Variants in LRFN5 observed in about 807,000 individuals in gnomAD.
LRFN5 encodes the protein leucine-rich repeat and fibronectin type-III domain-containing protein 5.
LRFN5 carries 24 observed loss-of-function variants against 45.6 expected under a neutral mutation model. The ratio of observed to expected loss-of-function variants is 0.53; its 90% CI spans 0.38 to 0.74. The LOEUF (loss-of-function observed/expected upper bound fraction) is 0.74, where lower values mean the gene tolerates loss of function less well. Ranked by LOEUF, LRFN5 falls within the 30% of genes least tolerant of loss-of-function variation. LRFN5 has a pLI of 0.00. For missense variants in LRFN5, 776 were observed against 861.5 expected (o/e 0.90, Z 1.24); for synonymous variants, 340 against 313.8 (o/e 1.08, Z -0.88).
intron 1 of LRFN5, among the ~76,000 whole-genome samples, chr14:41,655,242 G>A (rs554430096): frequency 6.6e-6 from 1 of 151,930 alleles, no homozygotes; most frequent in Non-Finnish European, 1.5e-5. Flanking sequence ...TAGATTCTAG[G>A]GAAAAATGAA....
intron 2 of LRFN5, among the ~76,000 whole-genome samples, chr14:41,868,707 A>G (rs1889919329): frequency 6.6e-6 from 1 of 152,172 alleles, no homozygotes; most frequent in South Asian, 2.1e-4. Context: ...AGAGGCCATT[A>G]CTAGTCTTAG....
intron 1 of LRFN5, among the ~76,000 whole-genome samples, chr14:41,657,929 GA>G (rs953066427): frequency 8.5e-4 from 109 of 128,616 alleles, no homozygotes; most frequent in Middle Eastern, 4.2e-3. Flanking sequence ...GGGAGAAAAA[GA>G]AAAAAAAAAA....
chr14:41,743,146 A>G (rs56084127), intron 1 of LRFN5, among the ~76,000 whole-genome samples: 25,231 of 152,162 alleles, frequency 0.17, 2,191 homozygotes, highest in Admixed American at 0.19. Flanking sequence ...TTGTTCATGC[A>G]TATCCTTGCT....
At chr14:41,821,227 A>T (rs982236313) in intron 2 of LRFN5, among the ~76,000 whole-genome samples, 1 of 152,034 alleles carries the variant, frequency 6.6e-6, no homozygotes, top group Non-Finnish European at 1.5e-5. Context: ...CCTGTTCAGT[A>T]TGATATTGGC....
At chr14:41,819,600 A>T (rs1395922850) in intron 2 of LRFN5, among the ~76,000 whole-genome samples, 2 of 152,110 alleles carry the variant, frequency 1.3e-5, no homozygotes, top group Non-Finnish European at 2.9e-5. Context: ...GGGAGGTCTC[A>T]GGGAGCTTTT....
chr14:41,743,136 T>C (rs556506721), intron 1 of LRFN5, among the ~76,000 whole-genome samples: 1 of 152,192 alleles, frequency 6.6e-6, no homozygotes, highest in Non-Finnish European at 1.5e-5. Context: ...GTGTTCATTA[T>C]TGTTCATGCA....
At chr14:41,642,158 GCTAA>G (rs1299597153) in intron 1 of LRFN5, among the ~76,000 whole-genome samples, 2 of 152,116 alleles carry the variant, frequency 1.3e-5, no homozygotes, top group Non-Finnish European at 2.9e-5. Context: ...CAATATAAGA[GCTAA>G]CAGATTAACC....
chr14:41,735,254 CTTTA>C lies in LRFN5; in HGVS notation c.-196-31596_-196-31593del, dbSNP rs754969493. ...GAAAAAGTTTTTGCCATCCATTCAC[CTTTA>C]TTTTTATTTTTATTTTATATATTTT... On this transcript the variant is annotated intron_variant, in intron 1 of 5. Coordinates refer to ENST00000298119, the MANE Select transcript of LRFN5 (RefSeq NM_152447.5). Among the ~76,000 whole-genome samples the C allele has an allele frequency of 3.6e-3, 546 of 151,784 alleles. 1 individual carries two copies. The highest frequency in any genetic ancestry group is 6.3e-3 in the Non-Finnish European group (429 of 67,942).
At chr14:41,688,655 C>T (rs1882225247) in intron 1 of LRFN5, among the ~76,000 whole-genome samples, 1 of 149,814 alleles carries the variant, frequency 6.7e-6, no homozygotes, top group Non-Finnish European at 1.5e-5. Context: ...GGATATAATT[C>T]GAGATCAATG....
At chr14:41,664,141 G>A (rs942815943) in intron 1 of LRFN5, among the ~76,000 whole-genome samples, 2 of 152,020 alleles carry the variant, frequency 1.3e-5, no homozygotes, top group African/African-American at 4.8e-5. Flanking sequence ...CAAATCATGT[G>A]TAGGTGAGAC....
chr14:41,847,452 A>G (rs1424169400), intron 2 of LRFN5, among the ~76,000 whole-genome samples: 1 of 152,158 alleles, frequency 6.6e-6, no homozygotes, highest in Non-Finnish European at 1.5e-5. Context: ...CATCATGCAT[A>G]AGAAATGTTT....
chr14:41,868,328 C>CT (rs1215909161), intron 2 of LRFN5, among the ~76,000 whole-genome samples: 1 of 152,020 alleles, frequency 6.6e-6, no homozygotes, highest in Non-Finnish European at 1.5e-5. Context: ...GGAACTAGAA[C>CT]TTTAGGACAA....
chr14:41,657,836 G>C (rs1365264332), intron 1 of LRFN5, among the ~76,000 whole-genome samples: 1 of 151,770 alleles, frequency 6.6e-6, no homozygotes, highest in Non-Finnish European at 1.5e-5. Flanking sequence ...TTTGGCATAA[G>C]GAATATTCTT....
At chr14:41,781,618 GAA>G (rs1365883644) in intron 2 of LRFN5, among the ~76,000 whole-genome samples, 3 of 62,692 alleles carry the variant, frequency 4.8e-5, no homozygotes, top group Admixed American at 1.6e-4. Flanking sequence ...GAAAGAAAGA[GAA>G]AGAAAGAAAG....
intron 1 of LRFN5, among the ~76,000 whole-genome samples, chr14:41,757,151 G>A (rs189064236): frequency 0.011 from 1,621 of 152,288 alleles, 25 homozygotes; most frequent in African/African-American, 0.037. Flanking sequence ...GCCGTGTGAG[G>A]TGTCAGTCTG....
At chr14:41,839,780 G>A (rs762318502) in intron 2 of LRFN5, among the ~76,000 whole-genome samples, 26 of 152,066 alleles carry the variant, frequency 1.7e-4, no homozygotes, top group Non-Finnish European at 3.1e-4. Context: ...CTATACCCTT[G>A]CTGAGGTCTT....
intron 1 of LRFN5, among the ~76,000 whole-genome samples, chr14:41,677,931 A>G (rs1318745105): frequency 6.6e-6 from 1 of 152,122 alleles, no homozygotes; most frequent in East Asian, 1.9e-4. Flanking sequence ...CCAAATGGCA[A>G]TATAAACGCA....
chr14:41,623,122 G>C (rs1029445351), intron 1 of LRFN5, among the ~76,000 whole-genome samples: 1 of 152,076 alleles, frequency 6.6e-6, no homozygotes, highest in African/African-American at 2.4e-5. Context: ...CAGCTTTCCA[G>C]CCCTCTAAAG....
intron 1 of LRFN5, among the ~76,000 whole-genome samples, chr14:41,736,360 T>C (rs12434269): frequency 0.17 from 25,284 of 152,256 alleles, 2,198 homozygotes; most frequent in Admixed American, 0.19. Flanking sequence ...TAACCAGTGA[T>C]GATGAGCTTT....
Sources: allele counts gnomAD v4.1 joint callset (sites outside exome capture counted in the v4.1 genomes callset), GRCh38; gene constraint gnomAD v4.1.1; transcripts MANE v1.5; gene names NCBI Gene and HGNC (gene_info 2026-07-23, HGNC 2026-07-21).